The following MAN1A2 variants were observed in gnomAD, a reference collection of about 807,000 sequenced individuals.
MAN1A2 encodes the protein mannosidase alpha class 1A member 2.
A neutral mutation model predicts 75.7 loss-of-function variants in MAN1A2; 26 were observed. That is an observed-to-expected ratio of 0.34 (90% CI 0.25 to 0.48). The LOEUF (loss-of-function observed/expected upper bound fraction) is 0.48. Ranked by LOEUF, MAN1A2 falls within the 20% of genes least tolerant of loss-of-function variation. The pLI, the probability that MAN1A2 is intolerant of heterozygous loss-of-function variation, is 0.99. For synonymous variants in MAN1A2, 247 were observed against 264.6 expected (o/e 0.93, Z 0.65); for missense variants, 562 against 775.5 (o/e 0.72, Z 3.27).
In MAN1A2 at chr1:117,406,253, A is replaced by G. The variant is rs534481836; in HGVS notation, c.655+608A>G. On this transcript the variant is annotated intron_variant, in intron 3 of 12. Coordinates refer to ENST00000356554, the MANE Select transcript of MAN1A2 (RefSeq NM_006699.5). Reference sequence around the variant, plus strand: ...TAACCAATTTAACAACTTTTACTAAACCCAAAGGTAAGTCTTCAGAATTGT... The same window carrying G: ...TAACCAATTTAACAACTTTTACTAAGCCCAAAGGTAAGTCTTCAGAATTGT... Among the ~76,000 whole-genome samples the G allele has an allele frequency of 1.2e-3, 178 of 152,250 alleles. 2 individuals carry two copies. The highest frequency in any genetic ancestry group is 2.0e-3 in the Non-Finnish European group (137 of 67,990).
chr1:117,419,757 C>G (rs1466009123), intron 4 of MAN1A2, among the ~76,000 whole-genome samples: 1 of 151,920 alleles, frequency 6.6e-6, no homozygotes, highest in African/African-American at 2.4e-5. Context: ...CATAGAGACT[C>G]TATTTAGTAA....
Position 117,523,085 on chromosome 1 carries a change from C to T in MAN1A2, c.*128C>T. 6 of 1,000,598 alleles carry T rather than the reference C, an allele frequency of 6.0e-6. No homozygotes were observed. Among genetic ancestry groups the T allele is most frequent in the Non-Finnish European group, 9.3e-6 (6 of 642,238 alleles). The allele number at this position is 1,000,598 out of a possible 1,614,324, so 62.0% of individuals were successfully genotyped here. On this transcript the variant is annotated 3_prime_UTR_variant, in exon 13 of 13. Transcript: ENST00000356554. Reference sequence around the variant, plus strand: ...AACATGACAGGGTGAAACTATTCCCCCTAAGACTGTTCAACTTGTAGATAC... The same window carrying T: ...AACATGACAGGGTGAAACTATTCCCTCTAAGACTGTTCAACTTGTAGATAC...
chr1:117,523,713 A>G lies in MAN1A2; in HGVS notation c.*756A>G, dbSNP rs1651932676. 1 of 154,854 alleles carries G rather than the reference A, an allele frequency of 6.5e-6. No individual in the cohort carries two copies. Among genetic ancestry groups the G allele is most frequent in the South Asian group, 2.0e-4 (1 of 5,068 alleles). 9.6% of individuals were successfully genotyped at this position (154,854 alleles called of 1,614,324 possible). On this transcript the variant is annotated 3_prime_UTR_variant, in exon 13 of 13. Coordinates refer to ENST00000356554, the MANE Select transcript of MAN1A2 (RefSeq NM_006699.5). ...CACCACTTATGAGCCTGGGTTTGGG[A>G]TTTTGTGCATGTAGTTCAGTCTAGT... is the stretch of plus-strand genomic sequence containing the variant.
chr1:117,396,467 A>T (rs189155435), intron 1 of MAN1A2, among the ~76,000 whole-genome samples: 1 of 152,338 alleles, frequency 6.6e-6, no homozygotes, highest in East Asian at 1.9e-4. Context: ...AAAGTTAAAA[A>T]CAATCTTAAA....
At chr1:117,431,706 T>C (rs1055990467) in intron 5 of MAN1A2, among the ~76,000 whole-genome samples, 5 of 152,176 alleles carry the variant, frequency 3.3e-5, no homozygotes, top group African/African-American at 1.2e-4. Context: ...CCCAGCACTT[T>C]GGGAGGCTGA....
chr1:117,427,803 A>G (rs1164348873), intron 5 of MAN1A2, among the ~76,000 whole-genome samples: 1 of 152,182 alleles, frequency 6.6e-6, no homozygotes, highest in Non-Finnish European at 1.5e-5. Context: ...AACCACAGAG[A>G]TTACTTTTTC....
At chr1:117,422,724 A>G (rs1648236771) in intron 5 of MAN1A2, among the ~76,000 whole-genome samples, 1 of 151,972 alleles carries the variant, frequency 6.6e-6, no homozygotes, top group Non-Finnish European at 1.5e-5. Flanking sequence ...TATTTTTTGA[A>G]TTAGCTGCTC....
Position 117,525,117 on chromosome 1 carries a change from C to G in MAN1A2, c.*2160C>G. 1 of 529,310 alleles carries G rather than the reference C, an allele frequency of 1.9e-6. No individual in the cohort carries two copies. The highest frequency in any genetic ancestry group is 3.9e-6 in the Non-Finnish European group (1 of 258,388). 32.8% of individuals were successfully genotyped at this position (529,310 alleles called of 1,614,324 possible). ...CTTCTCAAGGGATGAGGAGACAGAA[C>G]CCCTACTTCCAAGTGCTCTATTTGT... is the stretch of plus-strand genomic sequence containing the variant. On this transcript the variant is annotated 3_prime_UTR_variant, in exon 13 of 13. Coordinates refer to ENST00000356554, the MANE Select transcript of MAN1A2 (RefSeq NM_006699.5).
At position 117,442,160 on chromosome 1, in the gene MAN1A2, T is replaced by C. The variant is rs909431286; in HGVS notation, c.856-71T>C. ...CCAGTACCTTGTGCTATGTATACTA[T>C]GAGAGAGAGAGCAATAAGTAAATGC... On this transcript the variant is annotated intron_variant, in intron 5 of 12. Transcript: ENST00000356554. 9.4e-6 allele frequency: 9 copies of C among 961,348 alleles called. No individual in the cohort carries two copies. In the African/African-American group the frequency reaches 9.6e-5, roughly 10 times the overall value. 59.6% of individuals were successfully genotyped at this position (961,348 alleles called of 1,614,324 possible). A position where few individuals can be genotyped will look rare whatever the true frequency, so the allele number is the denominator to read the frequency against.
intron 1 of MAN1A2, among the ~76,000 whole-genome samples, chr1:117,368,889 C>A (rs1290407381): frequency 6.6e-6 from 1 of 152,120 alleles, no homozygotes; most frequent in East Asian, 1.9e-4. Context: ...ATCAAAGCAT[C>A]GAACCTTGAC....
intron 5 of MAN1A2, among the ~76,000 whole-genome samples, chr1:117,441,910 C>A (rs972624390): frequency 6.6e-6 from 1 of 152,106 alleles, no homozygotes; most frequent in African/African-American, 2.4e-5. Flanking sequence ...AACCTGTTTA[C>A]CTTGGATGAA....
intron 8 of MAN1A2, among the ~76,000 whole-genome samples, chr1:117,475,668 A>G (rs891954402): frequency 1.3e-5 from 2 of 151,948 alleles, no homozygotes; most frequent in South Asian, 2.1e-4. Flanking sequence ...TCCAGCTTCA[A>G]CCATGTCCCT....
At chr1:117,516,078 C>G (rs1239405811) in intron 12 of MAN1A2, 1 of 152,072 alleles carries the variant, frequency 6.6e-6, no homozygotes, top group Admixed American at 6.6e-5. Context: ...TTATCTTTTT[C>G]CTATCCCACT....
chr1:117,380,099 C>T (rs1360145480), intron 1 of MAN1A2, among the ~76,000 whole-genome samples: 1 of 151,984 alleles, frequency 6.6e-6, no homozygotes, highest in East Asian at 1.9e-4. Flanking sequence ...TTTTGTGTTT[C>T]CACCAGCAAT....
At chr1:117,383,752 T>TAA (rs1653431119) in intron 1 of MAN1A2, among the ~76,000 whole-genome samples, 220 of 149,818 alleles carry the variant, frequency 1.5e-3, no homozygotes, top group African/African-American at 4.5e-3. Context: ...TTTAAAAATT[T>TAA]TTTTTTTTTT....
chr1:117,472,688 G>A (rs772404774), intron 8 of MAN1A2, among the ~76,000 whole-genome samples: 5 of 151,950 alleles, frequency 3.3e-5, no homozygotes, highest in Non-Finnish European at 2.9e-5. Context: ...ATTATTATTA[G>A]TTTTCTCCTT....
chr1:117,483,927 A>T (rs1214862629), intron 8 of MAN1A2, among the ~76,000 whole-genome samples: 2 of 151,442 alleles, frequency 1.3e-5, no homozygotes, highest in East Asian at 3.9e-4. Flanking sequence ...CTAGTTTATC[A>T]CTGGTATGTG....
At chr1:117,464,882 G>C (rs1233088488) in intron 7 of MAN1A2, among the ~76,000 whole-genome samples, 1 of 152,030 alleles carries the variant, frequency 6.6e-6, no homozygotes, top group Non-Finnish European at 1.5e-5. Flanking sequence ...AAATAGTAAT[G>C]AGTAATTTGT....
chr1:117,499,482 T>C lies in MAN1A2; in HGVS notation c.1605T>C (p.Ile535=). Residue 535 remains isoleucine (I), a synonymous_variant, in exon 11 of 13, where the codon ATT becomes ATC. Transcript: ENST00000356554. Reference sequence around the variant, plus strand: ...ATTATATCCTCCGTCCAGAAGTAATTGAAACCTATTGGTACCTATGGCGAT... The same window carrying C: ...ATTATATCCTCCGTCCAGAAGTAATCGAAACCTATTGGTACCTATGGCGAT... The part of the protein sequence containing the change: ...EKYYILRPEV[I]ETYWYLWRFT... 1 of 1,609,498 alleles carries C rather than the reference T, an allele frequency of 6.2e-7. No homozygotes were observed. The highest frequency in any genetic ancestry group is 1.7e-5 in the Admixed American group (1 of 59,450).
Sources: allele counts gnomAD v4.1 joint callset (sites outside exome capture counted in the v4.1 genomes callset), GRCh38; gene constraint gnomAD v4.1.1; transcripts MANE v1.5; gene names NCBI Gene and HGNC (gene_info 2026-07-23, HGNC 2026-07-21).